Variants in SUPT3H observed in about 807,000 individuals in gnomAD.
The protein encoded by SUPT3H is transcription initiation protein SPT3 homolog.
A neutral mutation model predicts 44.3 loss-of-function variants in SUPT3H; 44 were observed. That is an observed-to-expected ratio of 0.99 (90% CI 0.78 to 1.28). The LOEUF is 1.28. Ranked by LOEUF, SUPT3H falls within the 50% of genes most tolerant of loss-of-function variation. SUPT3H has a pLI of 0.00. For synonymous variants in SUPT3H, 124 were observed against 125.6 expected, an observed-to-expected ratio of 0.99 and a Z score of 0.09; for missense variants, 380 against 387.1, an observed-to-expected ratio of 0.98 and a Z score of 0.15.
At chr6:45,263,212 T>C (rs1304372600) in intron 2 of SUPT3H, among the ~76,000 whole-genome samples, 2 of 152,236 alleles carry the variant, frequency 1.3e-5, no homozygotes, top group Non-Finnish European at 2.9e-5. Context: ...GGTTCATAAC[T>C]GCAAAGACAT....
In SUPT3H at chr6:45,365,314, G is replaced by C; in HGVS notation, c.1-13C>G. On this transcript the variant is annotated splice_polypyrimidine_tract_variant and intron_variant, in intron 1 of 10. Transcript: ENST00000371459. Reference sequence around the variant, plus strand: ...CCGTATTATTCATCTAAATAAAAAGGAGAAATAAAGCTTACAAAATGTACC... The same window carrying C: ...CCGTATTATTCATCTAAATAAAAAGCAGAAATAAAGCTTACAAAATGTACC... The C allele has an allele frequency of 6.4e-7, 1 of 1,572,612 alleles. No homozygotes were observed. Among genetic ancestry groups the C allele is most frequent in the Non-Finnish European group, 8.7e-7 (1 of 1,147,356 alleles).
chr6:44,872,536 G>A (rs1399119405), intron 10 of SUPT3H, among the ~76,000 whole-genome samples: 6 of 152,272 alleles, frequency 3.9e-5, no homozygotes, highest in Non-Finnish European at 8.8e-5. Flanking sequence ...ACCAGCCACT[G>A]CAAAATCATG....
At chr6:45,211,715 G>A (rs1479035773) in intron 2 of SUPT3H, among the ~76,000 whole-genome samples, 4 of 152,236 alleles carry the variant, frequency 2.6e-5, no homozygotes, top group African/African-American at 9.6e-5. Context: ...GGGGCGTGGT[G>A]GCATGTGCCT....
intron 3 of SUPT3H, among the ~76,000 whole-genome samples, chr6:45,089,911 T>A (rs1044156380): frequency 1.3e-4 from 20 of 152,096 alleles, no homozygotes; most frequent in Non-Finnish European, 8.8e-5. Context: ...GTCTACAGAA[T>A]TACATACAAA....
intron 4 of SUPT3H, among the ~76,000 whole-genome samples, chr6:45,019,165 T>A (rs1784745204): frequency 6.6e-6 from 1 of 152,130 alleles, no homozygotes; most frequent in Non-Finnish European, 1.5e-5. Flanking sequence ...CTGATGGTAG[T>A]TTGTATTTCT....
intron 2 of SUPT3H, among the ~76,000 whole-genome samples, chr6:45,158,298 A>ATATATATATATTTTTTT: frequency 5.0e-5 from 5 of 99,694 alleles, no homozygotes; most frequent in African/African-American, 2.5e-4. Flanking sequence ...ATATATATAT[A>ATATATATATATTTTTTT]TTTTTTTTTT....
intron 10 of SUPT3H, among the ~76,000 whole-genome samples, chr6:44,848,261 T>C (rs1772252998): frequency 1.3e-5 from 2 of 152,184 alleles, no homozygotes; most frequent in African/African-American, 4.8e-5. Context: ...TGAGCCACTG[T>C]ACCCAGCCTG....
chr6:45,325,977 G>C (rs909504463), intron 2 of SUPT3H, among the ~76,000 whole-genome samples: 2 of 151,812 alleles, frequency 1.3e-5, no homozygotes, highest in African/African-American at 4.8e-5. Context: ...GAATTTGATA[G>C]GCCTCACAGA....
rs559667320 is a variant in SUPT3H at position 45,186,995 on chromosome 6, G to A, written c.102-80989C>T. Among the ~76,000 whole-genome samples the A allele has an allele frequency of 5.8e-4, 88 of 151,248 alleles. No individual in the cohort carries two copies. In the Middle Eastern group the frequency reaches 0.01, roughly 18 times the overall value. The stretch of plus-strand genomic sequence containing the variant: ...AAAAGTACACAGGTTTAGGCCAAGC[G>A]CAGAGTATGCACCCCTGTAGCCCCA... On this transcript the variant is annotated intron_variant, in intron 2 of 10. Coordinates refer to ENST00000371459, the MANE Select transcript of SUPT3H (RefSeq NM_003599.4).
At chr6:45,330,339 G>C (rs1354492094) in intron 2 of SUPT3H, among the ~76,000 whole-genome samples, 2 of 151,802 alleles carry the variant, frequency 1.3e-5, no homozygotes. Flanking sequence ...CGAAAGTTTT[G>C]TTACTACTAC....
chr6:45,337,691 TTATAA>T (rs1788866588), intron 2 of SUPT3H, among the ~76,000 whole-genome samples: 1 of 151,830 alleles, frequency 6.6e-6, no homozygotes, highest in Admixed American at 6.6e-5. Flanking sequence ...TTGAATGTAT[TTATAA>T]TATGATACAC....
At chr6:44,824,791 T>C (rs1767618834), downstream of SUPT3H, among the ~76,000 whole-genome samples, 1 of 152,212 alleles carries the variant, frequency 6.6e-6, no homozygotes, top group African/African-American at 2.4e-5. Flanking sequence ...TGGAAAACTA[T>C]CCTTTGTAAT....
chr6:44,823,895 G>A (rs1767540033), downstream of SUPT3H, among the ~76,000 whole-genome samples: 1 of 152,166 alleles, frequency 6.6e-6, no homozygotes, highest in South Asian at 2.1e-4. Context: ...CCTGGGAGGT[G>A]GAGGTTGCAG....
chr6:44,858,153 C>G (rs564656554), intron 10 of SUPT3H, among the ~76,000 whole-genome samples: 1 of 152,162 alleles, frequency 6.6e-6, no homozygotes, highest in Non-Finnish European at 1.5e-5. Context: ...TACTACACTA[C>G]ACTACATTAT....
At chr6:45,302,083 T>C (rs996752631) in intron 2 of SUPT3H, among the ~76,000 whole-genome samples, 15 of 152,258 alleles carry the variant, frequency 9.9e-5, no homozygotes, top group Admixed American at 9.8e-4. Context: ...CTGCGTCAAT[T>C]GTATGAGGGA....
chr6:45,112,953 A>T (rs1040644731), intron 2 of SUPT3H, among the ~76,000 whole-genome samples: 1 of 143,692 alleles, frequency 7.0e-6, no homozygotes, highest in African/African-American at 2.5e-5. Context: ...TGGTCTTGGG[A>T]GCTAGTCACT....
At chr6:45,254,369 A>G (rs1020846883) in intron 2 of SUPT3H, among the ~76,000 whole-genome samples, 3 of 152,170 alleles carry the variant, frequency 2.0e-5, no homozygotes, top group Non-Finnish European at 4.4e-5. Flanking sequence ...ACTATTAGCA[A>G]GCTCAAATCT....
chr6:45,250,360 G>A (rs1219286342), intron 2 of SUPT3H, among the ~76,000 whole-genome samples: 1 of 141,706 alleles, frequency 7.1e-6, no homozygotes, highest in East Asian at 1.9e-4. Context: ...GAAACATTAA[G>A]GCAATAAAAA....
At chr6:45,295,663 GA>G (rs1457128437) in intron 2 of SUPT3H, among the ~76,000 whole-genome samples, 5 of 148,664 alleles carry the variant, frequency 3.4e-5, no homozygotes, top group Non-Finnish European at 7.4e-5. Flanking sequence ...AAATCAACAA[GA>G]AAAAAACAAT....
Sources: gnomAD v4.1 joint callset for allele counts (sites outside exome capture counted in the v4.1 genomes callset) on GRCh38, gnomAD v4.1.1 for gene constraint, MANE v1.5 for transcripts, NCBI Gene and HGNC (gene_info 2026-07-23, HGNC 2026-07-21) for gene names.